Variants in CERKL observed in about 807,000 individuals in gnomAD.
The protein encoded by CERKL is CERK like autophagy regulator, also known as ceramide kinase-like protein.
Under a neutral mutation model 63.4 loss-of-function variants are expected in CERKL, and 61 were observed. The ratio of observed to expected loss-of-function variants is 0.96; its 90% CI spans 0.78 to 1.19. The LOEUF (loss-of-function observed/expected upper bound fraction) is 1.19, where lower values mean the gene tolerates loss of function less well. Ranked by LOEUF, CERKL falls within the 50% of genes most tolerant of loss-of-function variation. The probability of loss-of-function intolerance (pLI) is 0.00; values close to 1 mark genes in which losing one functional copy is unlikely to be tolerated. For synonymous variants in CERKL, 250 were observed against 230.5 expected, an observed-to-expected ratio of 1.08 and a Z score of -0.77; for missense variants, 675 against 655.5, an observed-to-expected ratio of 1.03 and a Z score of -0.33.
intron 4 of CERKL, among the ~76,000 whole-genome samples, chr2:181,564,977 T>C (rs1207583083): frequency 6.6e-6 from 1 of 152,200 alleles, no homozygotes; most frequent in Non-Finnish European, 1.5e-5. Flanking sequence ...TATTGCTATC[T>C]AGATTTACTT....
chr2:181,563,080 T>C (rs1038533504), intron 4 of CERKL, among the ~76,000 whole-genome samples: 3 of 152,144 alleles, frequency 2.0e-5, no homozygotes, highest in African/African-American at 4.8e-5. Context: ...CTCACACTTA[T>C]AAATGCAAGT....
chr2:181,645,227 G>A (rs1687619841), intron 1 of CERKL, among the ~76,000 whole-genome samples: 1 of 152,144 alleles, frequency 6.6e-6, no homozygotes, highest in African/African-American at 2.4e-5. Context: ...TACTGCCTTT[G>A]TAGTTAATGA....
At chr2:181,609,247 C>A (rs564167677) in intron 1 of CERKL, among the ~76,000 whole-genome samples, 1 of 112,876 alleles carries the variant, frequency 8.9e-6, no homozygotes, top group Non-Finnish European at 1.8e-5. Context: ...CCAATGCTAT[C>A]CCTCCCCCCT....
Position 181,603,861 on chromosome 2 carries a change from T to G in CERKL, c.457A>C (p.Arg153=). Residue 153 remains arginine, a synonymous_variant, in exon 2 of 13, where the codon AGA becomes CGA. Transcript: ENST00000410087. ...CCTGCCAATATTTTCTTGAACTGTC[T>G]AAACCATATGTCACAGTGGTCTTCA... ...LSEDHCDIWF[R]QFKKILAGFP... 6.2e-7 allele frequency: 1 copy of G among 1,613,412 alleles called. No homozygotes were observed. Among genetic ancestry groups the G allele is most frequent in the Non-Finnish European group, 8.5e-7 (1 of 1,179,532 alleles).
At chr2:181,557,429 G>A (rs1688260373) in intron 5 of CERKL, among the ~76,000 whole-genome samples, 1 of 152,254 alleles carries the variant, frequency 6.6e-6, no homozygotes, top group South Asian at 2.1e-4. Flanking sequence ...AAGGTGTAAG[G>A]AAGGGATCCT....
At chr2:181,615,168 ATTG>A (rs1686137340) in intron 1 of CERKL, among the ~76,000 whole-genome samples, 1 of 152,122 alleles carries the variant, frequency 6.6e-6, no homozygotes, top group South Asian at 2.1e-4. Flanking sequence ...CCCACTTCCT[ATTG>A]TTGTATTTTT....
In CERKL at chr2:181,537,411, T is replaced by C. The variant is rs1559063639; in HGVS notation, c.*773A>G. ...AGATTTTGCCCAGTTCAAAATAGTA[T>C]TTGTTATCAACTTACTTTGTTACTT... is the stretch of plus-strand genomic sequence containing the variant. On this transcript the variant is annotated 3_prime_UTR_variant, in exon 13 of 13. Transcript: ENST00000410087. 1 of 449,494 alleles carries C rather than the reference T, an allele frequency of 2.2e-6. No homozygotes were observed. Among genetic ancestry groups the C allele is most frequent in the Admixed American group, 2.4e-5 (1 of 42,258 alleles). 27.8% of individuals were successfully genotyped at this position (449,494 alleles called of 1,614,324 possible). A position where few individuals can be genotyped will look rare whatever the true frequency, so the allele number is the denominator to read the frequency against.
intron 1 of CERKL, among the ~76,000 whole-genome samples, chr2:181,641,289 ATATATGTG>A (rs1172279980): frequency 3.5e-5 from 5 of 143,260 alleles, no homozygotes; most frequent in East Asian, 4.0e-4. Context: ...GTATATATGT[ATATATGTG>A]TATGCATATA....
intron 1 of CERKL, chr2:181,650,173 G>A (rs1294119802): frequency 2.1e-5 from 3 of 142,136 alleles, no homozygotes; most frequent in Admixed American, 7.0e-5. Context: ...AAAGAAGGAA[G>A]GAGAAAGAAA....
In CERKL at chr2:181,603,974, C is replaced by T. The variant is rs1388032639; in HGVS notation, c.344G>A (p.Gly115Asp). ...RRCSVKQQRSGTLLGITLFIC... is the reference protein window; with the variant it reads ...RRCSVKQQRSDTLLGITLFIC... ...GAAGAGTGTGATACCTAATAAAGTACCACTTCTCTGCTGTTTAACAGAACA... is the reference window on the plus strand; with the variant it reads ...GAAGAGTGTGATACCTAATAAAGTATCACTTCTCTGCTGTTTAACAGAACA... Residue 115 changes from glycine (G) to aspartate (D), a missense_variant, in exon 2 of 13, where the codon GGT (glycine) becomes GAT (aspartate). Gly to Asp is a moderately conservative substitution (Grantham distance 94). Coordinates refer to ENST00000410087, the MANE Select transcript of CERKL (RefSeq NM_201548.5). 1 of 1,613,152 alleles carries T rather than the reference C, an allele frequency of 6.2e-7. No individual in the cohort carries two copies. Among genetic ancestry groups the T allele is most frequent in the South Asian group, 1.1e-5 (1 of 91,036 alleles).
chr2:181,614,949 C>T (rs1366602527), intron 1 of CERKL, among the ~76,000 whole-genome samples: 1 of 152,166 alleles, frequency 6.6e-6, no homozygotes, highest in East Asian at 1.9e-4. Flanking sequence ...ATAATTAAAT[C>T]CTTATGAATG....
In CERKL at chr2:181,537,760, A is replaced by AT. The variant is rs1051278515; in HGVS notation, c.*423dup. On this transcript the variant is annotated 3_prime_UTR_variant, in exon 13 of 13. Transcript: ENST00000410087. ...ATTGTAAAAAAAAGAATTTGAATTGATATCTAAAAACAGAATTTGAATTGA... is the reference window on the plus strand; with the variant it reads ...ATTGTAAAAAAAAGAATTTGAATTGATTATCTAAAAACAGAATTTGAATTGA... 2 of 446,404 alleles carry AT rather than the reference A, an allele frequency of 4.5e-6. No homozygotes were observed. The highest frequency in any genetic ancestry group is 2.0e-5 in the African/African-American group (1 of 49,512). The allele number at this position is 446,404 out of a possible 1,614,324, so 27.7% of individuals were successfully genotyped here. A position where few individuals can be genotyped will look rare whatever the true frequency, so the allele number is the denominator to read the frequency against.
chr2:181,641,375 G>C (rs1687436642), intron 1 of CERKL, among the ~76,000 whole-genome samples: 1 of 130,442 alleles, frequency 7.7e-6, no homozygotes, highest in Admixed American at 8.8e-5. Flanking sequence ...TTTTCCCTGA[G>C]ATGGGGTCTT....
At position 181,558,556 on chromosome 2, in the gene CERKL, A is replaced by T; in HGVS notation, c.820+10T>A. On this transcript the variant is annotated intron_variant, in intron 5 of 12. Transcript: ENST00000410087. The surrounding 1 kb of genome is among the most constrained non-coding windows in gnomAD (Gnocchi z 4.2). ...GGGTCAGTTTAATGAATCTGTAGCC[A>T]CTCCCTTGCCTGCTGGTATTAAGCC... The T allele has an allele frequency of 1.2e-6, 2 of 1,612,842 alleles. No homozygotes were observed. Among genetic ancestry groups the T allele is most frequent in the Middle Eastern group, 3.5e-4 (2 of 5,778 alleles).
chr2:181,585,682 A>G lies in CERKL; in HGVS notation c.482-11798T>C, dbSNP rs189115741. ...CCTTATATCTACAAACTTAAAGTCA[A>G]TAGAAAAATCATATTTGAGAACTGG... is the stretch of plus-strand genomic sequence containing the variant. On this transcript the variant is annotated intron_variant, in intron 2 of 12. Transcript: ENST00000410087. Among the ~76,000 whole-genome samples the G allele has an allele frequency of 2.0e-4, 31 of 152,306 alleles. No individual in the cohort carries two copies. The East Asian group carries it at 4.8e-3, about 24-fold the overall frequency.
chr2:181,550,854 G>A lies in CERKL; in HGVS notation c.821-1146C>T, dbSNP rs1357750346. ...TTATAAATAAGCACAATTACTTCTA[G>A]TAATACCAGTGCAAAGAAAAGTTTA... On this transcript the variant is annotated intron_variant, in intron 5 of 12. Coordinates refer to ENST00000410087, the MANE Select transcript of CERKL (RefSeq NM_201548.5). This position sits in a 1 kb window ranked among gnomAD's most constrained non-coding sequence, Gnocchi z 4.5. 6.6e-6 allele frequency among the ~76,000 whole-genome samples: 1 copy of A among 152,094 alleles called. No homozygotes were observed. Among genetic ancestry groups the A allele is most frequent in the Non-Finnish European group, 1.5e-5 (1 of 68,010 alleles).
intron 5 of CERKL, among the ~76,000 whole-genome samples, chr2:181,553,134 A>T (rs956968812): frequency 1.3e-5 from 2 of 152,188 alleles, no homozygotes; most frequent in Admixed American, 1.3e-4. Flanking sequence ...TCACAAGGTG[A>T]GTCTATGGAC....
At chr2:181,635,534 A>G (rs1162258253) in intron 1 of CERKL, among the ~76,000 whole-genome samples, 1 of 152,170 alleles carries the variant, frequency 6.6e-6, no homozygotes, top group East Asian at 1.9e-4. Flanking sequence ...AACCACAACA[A>G]AACATACTGT....
chr2:181,595,084 C>T (rs1322558689), intron 2 of CERKL, among the ~76,000 whole-genome samples: 1 of 152,126 alleles, frequency 6.6e-6, no homozygotes. Flanking sequence ...CCATTATACT[C>T]TCATCTAAGG....
Sources: allele counts gnomAD v4.1 joint callset (sites outside exome capture counted in the v4.1 genomes callset), GRCh38; gene constraint gnomAD v4.1.1; non-coding constraint Gnocchi (gnomAD v3.1); transcripts MANE v1.5; gene names NCBI Gene and HGNC (gene_info 2026-07-23, HGNC 2026-07-21).